GOSR2: variants seen among roughly 807,000 people sequenced by gnomAD.
GOSR2 encodes the protein golgi SNAP receptor complex member 2, also known as 27 kDa Golgi SNARE protein.
A neutral mutation model predicts 27.9 loss-of-function variants in GOSR2; 20 were observed. The observed-to-expected ratio is 0.72, with a 90% CI of 0.50 to 1.04. The LOEUF is 1.04. Among genes scored for constraint, GOSR2 ranks in the 50% least tolerant of loss-of-function variants. The probability of loss-of-function intolerance (pLI) is 0.00; values close to 1 mark genes in which losing one functional copy is unlikely to be tolerated. For synonymous variants in GOSR2, 91 were observed against 98.8 expected, an observed-to-expected ratio of 0.92 and a Z score of 0.47; for missense variants, 261 against 270.5, an observed-to-expected ratio of 0.97 and a Z score of 0.25.
In GOSR2 at chr17:46,935,960, G is replaced by A. The variant is rs550799589; in HGVS notation, c.477+791G>A. 238 of 985,822 alleles carry A rather than the reference G, an allele frequency of 2.4e-4. 3 individuals carry two copies. The South Asian group carries it at 8.1e-3, about 33-fold the overall frequency. The allele number at this position is 985,822 out of a possible 1,614,324, so 61.1% of individuals were successfully genotyped here. A position where few individuals can be genotyped will look rare whatever the true frequency, so the allele number is the denominator to read the frequency against. On this transcript the variant is annotated intron_variant, in intron 5 of 5. Transcript: ENST00000640051. ...ACTGAGCTGTGAGAAACAGTCACTCGGAAGTGTGAGCTTTATCTTAGTTTT... is the reference window on the plus strand; with the variant it reads ...ACTGAGCTGTGAGAAACAGTCACTCAGAAGTGTGAGCTTTATCTTAGTTTT...
chr17:46,961,298 G>C (rs1371144517), intron 6 of GOSR2, among the ~76,000 whole-genome samples: 4 of 152,178 alleles, frequency 2.6e-5, no homozygotes, highest in Admixed American at 6.5e-5. Flanking sequence ...AGCACTTTGG[G>C]AGGCTGAGGC....
downstream of GOSR2, among the ~76,000 whole-genome samples, chr17:46,946,128 G>A (rs2089843235): frequency 6.6e-6 from 1 of 151,898 alleles, no homozygotes; most frequent in African/African-American, 2.4e-5. Flanking sequence ...TCACTTGGAG[G>A]AAACCACATT....
At chr17:46,965,926 T>C (rs1357078052) in intron 6 of GOSR2, among the ~76,000 whole-genome samples, 4 of 152,088 alleles carry the variant, frequency 2.6e-5, no homozygotes, top group Non-Finnish European at 5.9e-5. Context: ...CCACTGTGCC[T>C]GGCTGCTATG....
intron 6 of GOSR2, among the ~76,000 whole-genome samples, chr17:46,951,183 C>T (rs2090316320): frequency 1.3e-5 from 2 of 152,190 alleles, no homozygotes; most frequent in African/African-American, 4.8e-5. Flanking sequence ...ACCACGCTGT[C>T]CCTAGGAGGA....
At chr17:46,957,392 C>A (rs558271861) in intron 6 of GOSR2, among the ~76,000 whole-genome samples, 1 of 152,268 alleles carries the variant, frequency 6.6e-6, no homozygotes, top group African/African-American at 2.4e-5. Context: ...GCAGGTGGAT[C>A]ACTTGAGGTC....
At chr17:46,928,008 T>C (rs112116582) in intron 1 of GOSR2, among the ~76,000 whole-genome samples, 122 of 152,312 alleles carry the variant, frequency 8.0e-4, no homozygotes, top group African/African-American at 2.8e-3. Flanking sequence ...CTGTACCTGT[T>C]CCCTTGGTTG....
At position 46,923,496 on chromosome 17, in the gene GOSR2, C is replaced by G. The variant is rs530684599; in HGVS notation, c.29+275C>G. The G allele has an allele frequency of 4.3e-6, 6 of 1,383,002 alleles. No homozygotes were observed. In the South Asian group the frequency reaches 1.1e-4, roughly 25 times the overall value. The allele number at this position is 1,383,002 out of a possible 1,614,324, so 85.7% of individuals were successfully genotyped here. ...GCTGGGTAGACTGGGTGACGGGAAA[C>G]TGGCACCTGCAGGTTATAAAACTTT... On this transcript the variant is annotated intron_variant, in intron 1 of 5. Coordinates refer to ENST00000640051, the MANE Select transcript of GOSR2 (RefSeq NM_004287.5).
chr17:46,955,910 C>T (rs1230396647), intron 6 of GOSR2, among the ~76,000 whole-genome samples: 1 of 152,200 alleles, frequency 6.6e-6, no homozygotes. Flanking sequence ...GTGTCTCCAT[C>T]AGACTAGCAA....
At chr17:46,954,038 G>T (rs373873044) in intron 6 of GOSR2, among the ~76,000 whole-genome samples, 1 of 152,124 alleles carries the variant, frequency 6.6e-6, no homozygotes, top group African/African-American at 2.4e-5. Flanking sequence ...TCTTTAGTTT[G>T]ATTAGATCCC....
At position 46,940,953 on chromosome 17, in the gene GOSR2, C is replaced by G. The variant is rs888149319; in HGVS notation, c.*2193C>G. ...GACCTTGGCCTAACAGTGTGACTCT[C>G]TCCACCGCCTCAGTGTAGGGAAGGG... is the stretch of plus-strand genomic sequence containing the variant. On this transcript the variant is annotated 3_prime_UTR_variant, in exon 6 of 6. Transcript: ENST00000640051. 4 of 1,243,056 alleles carry G rather than the reference C, an allele frequency of 3.2e-6. No homozygotes were observed. Among genetic ancestry groups the G allele is most frequent in the Non-Finnish European group, 4.1e-6 (4 of 978,354 alleles). 77.0% of individuals were successfully genotyped at this position (1,243,056 alleles called of 1,614,324 possible). A position where few individuals can be genotyped will look rare whatever the true frequency, so the allele number is the denominator to read the frequency against.
chr17:46,943,318 T>A (rs1181976366), downstream of GOSR2, among the ~76,000 whole-genome samples: 3 of 152,202 alleles, frequency 2.0e-5, no homozygotes, highest in Non-Finnish European at 2.9e-5. Flanking sequence ...AGCACCTTGA[T>A]GTGACAGGCC....
At position 46,932,120 on chromosome 17, in the gene GOSR2, A is replaced by G; in HGVS notation, c.257A>G (p.Asn86Ser). The change falls in exon 4 of 6, where the codon AAC (asparagine) becomes AGC (serine). Residue 86 changes from asparagine to serine, a missense_variant. Physicochemically the swap from Asn to Ser is conservative, Grantham distance 46. Coordinates refer to ENST00000640051, the MANE Select transcript of GOSR2 (RefSeq NM_004287.5). ...DVQHLQTALR[N>S]FQHRRHAREQ... ...CAGCACCTGCAGACTGCGCTCAGAA[A>G]CTTCCAGCATCGGCGCCATGCAAGG... The G allele has an allele frequency of 8.7e-6, 14 of 1,613,976 alleles. No homozygotes were observed. The highest frequency in any genetic ancestry group is 1.2e-5 in the Non-Finnish European group (14 of 1,179,892).
chr17:46,923,467 A>G, intron 1 of GOSR2: 2 of 1,406,226 alleles, frequency 1.4e-6, no homozygotes, highest in Admixed American at 6.1e-5. Flanking sequence ...GTTCGTGACT[A>G]CCTGCTGGGT....
chr17:46,938,572 T>G (rs753743577), intron 5 of GOSR2, 27 bp from the exon 6 acceptor site: 1 of 1,613,722 alleles, frequency 6.2e-7, no homozygotes, highest in Admixed American at 1.7e-5. Context: ...TGATGTTTGT[T>G]TTTTTTTCTG....
chr17:46,974,078 T>G (rs1408455138), intron 6 of GOSR2, among the ~76,000 whole-genome samples: 1 of 152,086 alleles, frequency 6.6e-6, no homozygotes, highest in South Asian at 2.1e-4. Context: ...CCTCCCTACT[T>G]CCCCCGTTCT....
intron 6 of GOSR2, among the ~76,000 whole-genome samples, chr17:46,974,926 G>C (rs1019701382): frequency 1.3e-5 from 2 of 150,268 alleles, no homozygotes; most frequent in Non-Finnish European, 2.9e-5. Context: ...TACTATTTTC[G>C]TCATGCTTAT....
rs772763319 is a variant in GOSR2 at position 46,931,132 on chromosome 17, A to G, written c.128A>G (p.Gln43Arg). The G allele has an allele frequency of 1.9e-6, 3 of 1,609,786 alleles. No individual in the cohort carries two copies. The highest frequency in any genetic ancestry group is 1.7e-4 in the Middle Eastern group (1 of 5,968). The change falls in exon 3 of 6, where the codon CAG becomes CGG. Residue 43 changes from glutamine to arginine, a missense_variant. Physicochemically the swap from Gln to Arg is conservative, Grantham distance 43. Transcript: ENST00000640051. ...VENEIQASIDQIFSRLERLEI... is the reference protein window; with the variant it reads ...VENEIQASIDRIFSRLERLEI... Reference sequence around the variant, plus strand: ...AACGAAATCCAAGCAAGCATAGACCAGATATTCAGCCGTCTAGAACGTCTG... The same window carrying G: ...AACGAAATCCAAGCAAGCATAGACCGGATATTCAGCCGTCTAGAACGTCTG...
At chr17:46,923,924 A>G (rs964852813) in intron 1 of GOSR2, 3 of 398,378 alleles carry the variant, frequency 7.5e-6, no homozygotes, top group Non-Finnish European at 1.3e-5. Context: ...CAGAATTATG[A>G]TTTTTACCCT....
At chr17:46,944,035 T>G (rs751538893), downstream of GOSR2, among the ~76,000 whole-genome samples, 6 of 152,188 alleles carry the variant, frequency 3.9e-5, no homozygotes, top group Non-Finnish European at 8.8e-5. Context: ...CCACTGGCCC[T>G]TCCTTCCAGG....
Sources: allele counts gnomAD v4.1 joint callset (sites outside exome capture counted in the v4.1 genomes callset), GRCh38; gene constraint gnomAD v4.1.1; transcripts MANE v1.5; gene names NCBI Gene and HGNC (gene_info 2026-07-23, HGNC 2026-07-21).